LAP3: variants seen among roughly 807,000 people sequenced by gnomAD.
LAP3 encodes cytosol aminopeptidase.
Under a neutral mutation model 58.8 loss-of-function variants are expected in LAP3, and 46 were observed. The observed-to-expected ratio is 0.78, with a 90% CI of 0.62 to 1.00. LAP3 has a LOEUF of 1.00. Ranked by LOEUF, LAP3 falls within the 50% of genes least tolerant of loss-of-function variation. The pLI, the probability that LAP3 is intolerant of heterozygous loss-of-function variation, is 0.00. For synonymous variants in LAP3, 257 were observed against 237.7 expected (o/e 1.08, Z -0.75); for missense variants, 615 against 659.1 (o/e 0.93, Z 0.73).
At chr4:17,594,048 G>A (rs1713769539) in intron 7 of LAP3, among the ~76,000 whole-genome samples, 1 of 152,176 alleles carries the variant, frequency 6.6e-6, no homozygotes, top group Non-Finnish European at 1.5e-5. Flanking sequence ...ACCCGTTAAG[G>A]AGACCTGACA....
rs1000145733 is a variant in LAP3, at chr4:17,589,058, G to A, written c.863+81G>A. On this transcript the variant is annotated intron_variant, in intron 7 of 12. Transcript: ENST00000226299. Reference sequence around the variant, plus strand: ...AATTACTTGGTTATAGGGTTTTTTGGTTTGATTTTTTTTTTTTTTTGAGGC... The same window carrying A: ...AATTACTTGGTTATAGGGTTTTTTGATTTGATTTTTTTTTTTTTTTGAGGC... 685 of 1,410,982 alleles carry A rather than the reference G, an allele frequency of 4.9e-4. 1 individual carries two copies. Among genetic ancestry groups the A allele is most frequent in the Non-Finnish European group, 5.6e-4 (595 of 1,057,566 alleles). 87.4% of individuals were successfully genotyped at this position (1,410,982 alleles called of 1,614,324 possible). A position where few individuals can be genotyped will look rare whatever the true frequency, so the allele number is the denominator to read the frequency against.
rs1465966149 is a variant in LAP3 at position 17,577,516 on chromosome 4, G to A, written c.51G>A (p.Leu17=). The change falls in exon 1 of 13, where the codon CTG becomes CTA. Residue 17 remains leucine (L), a synonymous_variant. Transcript: ENST00000226299. ...PAAGRVVVRR[L]AVRRFGSRSL... is the part of the protein sequence containing the mutation. ...CGGGGCGAGTAGTCGTCCGACGTCT[G>A]GCCGTGAGACGTTTCGGGAGCCGGA... 18 of 1,587,670 alleles carry A rather than the reference G, an allele frequency of 1.1e-5. No individual in the cohort carries two copies. Among genetic ancestry groups the A allele is most frequent in the Non-Finnish European group, 1.4e-5 (16 of 1,168,618 alleles).
intron 8 of LAP3, among the ~76,000 whole-genome samples, chr4:17,596,586 G>C (rs1319400919): frequency 6.6e-6 from 1 of 152,078 alleles, no homozygotes; most frequent in South Asian, 2.1e-4. Flanking sequence ...TGATCTGCCC[G>C]CCTTGGCCTC....
rs550669010 is a variant in LAP3 at position 17,577,627 on chromosome 4, G to T, written c.102+60G>T. On this transcript the variant is annotated intron_variant, in intron 1 of 12. Transcript: ENST00000226299. ...GGGGCCCTGCCCGTGGGCTACTGGG[G>T]CTGCGGGGCTGGTCGAAGCCGCGGT... 323 of 1,344,966 alleles carry T rather than the reference G, an allele frequency of 2.4e-4. No individual in the cohort carries two copies. In the African/African-American group the frequency reaches 4.5e-3, roughly 19 times the overall value. The allele number at this position is 1,344,966 out of a possible 1,614,324, so 83.3% of individuals were successfully genotyped here. A position where few individuals can be genotyped will look rare whatever the true frequency, so the allele number is the denominator to read the frequency against.
chr4:17,603,794 G>T (rs1327953652), intron 10 of LAP3, among the ~76,000 whole-genome samples: 1 of 150,226 alleles, frequency 6.7e-6, no homozygotes, highest in Non-Finnish European at 1.5e-5. Flanking sequence ...GATTACAGGC[G>T]TGAGGCATTG....
intron 8 of LAP3, among the ~76,000 whole-genome samples, chr4:17,596,528 G>A (rs1415006726): frequency 6.6e-6 from 1 of 151,946 alleles, no homozygotes. Context: ...TAGTAGAGAC[G>A]GGGTTTCTCC....
intron 5 of LAP3, among the ~76,000 whole-genome samples, chr4:17,584,477 T>C (rs1280695786): frequency 1.3e-5 from 2 of 152,184 alleles, no homozygotes; most frequent in African/African-American, 2.4e-5. Flanking sequence ...TGGTCCTGCT[T>C]ACGAATGGGT....
intron 1 of LAP3, 40 bp downstream of exon 1, chr4:17,577,607 C>G (rs572995281): frequency 6.8e-7 from 1 of 1,471,052 alleles, no homozygotes; most frequent in Non-Finnish European, 9.2e-7. Context: ...CCGCTGGGGC[C>G]CTGCCCGTGG....
intron 2 of LAP3, among the ~76,000 whole-genome samples, chr4:17,580,609 C>CT (rs1430063277): frequency 2.0e-5 from 3 of 152,302 alleles, no homozygotes; most frequent in Non-Finnish European, 4.4e-5. Flanking sequence ...ACCAGCCTCT[C>CT]TACTTCTTTT....
intron 7 of LAP3, among the ~76,000 whole-genome samples, chr4:17,593,255 G>A (rs1368395505): frequency 2.0e-5 from 3 of 151,940 alleles, no homozygotes; most frequent in Non-Finnish European, 2.9e-5. Context: ...AGATTTTGAC[G>A]CTATGCTTCA....
rs1203287522 is a variant in LAP3 at position 17,597,054 on chromosome 4, CCT to C, written c.1000_1001del (p.Cys335Ter). 2 of 1,614,160 alleles carry C rather than the reference CCT, an allele frequency of 1.2e-6. No homozygotes were observed. The highest frequency in any genetic ancestry group is 1.7e-6 in the Non-Finnish European group (2 of 1,180,006). On this transcript the variant is annotated frameshift_variant, in exon 9 of 13. Coordinates refer to ENST00000226299, the MANE Select transcript of LAP3 (RefSeq NM_015907.3). LOFTEE classifies it high-confidence loss of function. ...TATATTATTTCCAATAGGTCTGGCC[CCT>C]CTTTGTGAAAATATGCCCAGCGGCA... is the stretch of plus-strand genomic sequence containing the variant. The part of the protein sequence containing the change: ...NLPINIIGLA[P>X]LCENMPSGKA...
intron 3 of LAP3, 123 bp from the exon 4 acceptor site, chr4:17,582,165 G>C: frequency 1.3e-6 from 1 of 786,650 alleles, no homozygotes; most frequent in Non-Finnish European, 2.1e-6. Context: ...CGTGCGTTTA[G>C]CCCTGTTGCT....
chr4:17,588,945 G>C lies in LAP3; in HGVS notation c.831G>C (p.Leu277=), dbSNP rs189150287. The part of the protein sequence containing the change: ...KGSPNANEPP[L]VFVGKGITFD... Reference sequence around the variant, plus strand: ...GCCCCAATGCAAACGAACCACCCCTGGTGTTTGTTGGGAAAGGAATTACCT... The same window carrying C: ...GCCCCAATGCAAACGAACCACCCCTCGTGTTTGTTGGGAAAGGAATTACCT... Residue 277 remains leucine, a synonymous_variant, in exon 7 of 13, where the codon CTG becomes CTC. Transcript: ENST00000226299. 3.7e-6 allele frequency: 6 copies of C among 1,613,978 alleles called. No individual in the cohort carries two copies. The highest frequency in any genetic ancestry group is 5.1e-6 in the Non-Finnish European group (6 of 1,179,986).
chr4:17,594,566 C>T (rs911536169), intron 7 of LAP3, among the ~76,000 whole-genome samples: 4 of 152,192 alleles, frequency 2.6e-5, no homozygotes, highest in East Asian at 1.9e-4. Context: ...TGGACTCCTA[C>T]GGACTGGAAG....
chr4:17,585,753 A>G (rs1041368467), intron 6 of LAP3: 13 of 152,346 alleles, frequency 8.5e-5, no homozygotes, highest in African/African-American at 1.2e-4. Context: ...TTGTGCTACC[A>G]TGACCACAAT....
At position 17,601,585 on chromosome 4, in the gene LAP3, C is replaced by T. The variant is rs1329685261; in HGVS notation, c.1181-3003C>T. On this transcript the variant is annotated intron_variant, in intron 10 of 12. Transcript: ENST00000226299. ...TATGTATATATTGTCCCTCAGTATG[C>T]GTGGGGGATAGGTTCTAGGATCCCC... Among the ~76,000 whole-genome samples, 7 of 152,134 alleles carry T rather than the reference C, an allele frequency of 4.6e-5. No individual in the cohort carries two copies. In the South Asian group the frequency reaches 8.3e-4, roughly 18 times the overall value.
intron 12 of LAP3, 22 bp from the exon 13 acceptor site, chr4:17,607,378 T>G: frequency 6.2e-7 from 1 of 1,601,742 alleles, no homozygotes; most frequent in Non-Finnish European, 8.5e-7. Context: ...GGTTGTAAAG[T>G]GCTTTTTGTC....
At chr4:17,587,695 A>G (rs1214457016) in intron 6 of LAP3, 1 of 152,172 alleles carries the variant, frequency 6.6e-6, no homozygotes, top group East Asian at 1.9e-4. Flanking sequence ...AAGAAGAGCA[A>G]TATGGCATCA....
intron 10 of LAP3, among the ~76,000 whole-genome samples, chr4:17,599,304 C>G (rs571863058): frequency 1.1e-4 from 16 of 152,114 alleles, no homozygotes; most frequent in African/African-American, 3.9e-4. Flanking sequence ...TTTGGGAGTC[C>G]GAGGCAGATG....
Sources: gnomAD v4.1 joint callset for allele counts (sites outside exome capture counted in the v4.1 genomes callset) on GRCh38, gnomAD v4.1.1 for gene constraint, MANE v1.5 for transcripts, NCBI Gene and HGNC (gene_info 2026-07-23, HGNC 2026-07-21) for gene names.